The following VPS13B variants were observed in gnomAD, a reference collection of about 807,000 sequenced individuals.
VPS13B encodes the protein vacuolar protein sorting 13 homolog B.
Under a neutral mutation model 426.4 loss-of-function variants are expected in VPS13B, and 285 were observed. The observed-to-expected ratio is 0.67, with a 90% confidence interval of 0.61 to 0.74. The LOEUF (loss-of-function observed/expected upper bound fraction) is 0.74. Among genes scored for constraint, VPS13B ranks in the 30% least tolerant of loss-of-function variants. The pLI, the probability that VPS13B is intolerant of heterozygous loss-of-function variation, is 0.00. For missense variants in VPS13B, 4,537 were observed against 4,782.6 expected, an observed-to-expected ratio of 0.95 and a Z score of 1.51; for synonymous variants, 1,676 against 1,676.4, an observed-to-expected ratio of 1.00 and a Z score of 0.01.
chr8:99,674,555 C>T (rs769493818), intron 35 of VPS13B, among the ~76,000 whole-genome samples: 13 of 151,904 alleles, frequency 8.6e-5, no homozygotes, highest in Non-Finnish European at 1.2e-4. Flanking sequence ...CATTGGTGAA[C>T]GTAAGCCATT....
At chr8:99,599,783 C>T (rs1191360007) in intron 33 of VPS13B, among the ~76,000 whole-genome samples, 1 of 152,054 alleles carries the variant, frequency 6.6e-6, no homozygotes, top group African/African-American at 2.4e-5. Context: ...AAAAAATAAA[C>T]ACCATGGCTT....
intron 17 of VPS13B, among the ~76,000 whole-genome samples, chr8:99,222,203 A>G (rs952762924): frequency 6.6e-6 from 1 of 152,198 alleles, no homozygotes; most frequent in African/African-American, 2.4e-5. Flanking sequence ...GCTTATGAAT[A>G]CTTAGAAAGA....
At chr8:99,461,098 C>G (rs755552791) in intron 23 of VPS13B, among the ~76,000 whole-genome samples, 8 of 151,884 alleles carry the variant, frequency 5.3e-5, no homozygotes, top group Non-Finnish European at 1.2e-4. Flanking sequence ...CCTTATTTGG[C>G]CATAACTGCA....
intron 12 of VPS13B, among the ~76,000 whole-genome samples, chr8:99,140,007 C>G (rs911405333): frequency 6.6e-6 from 1 of 151,756 alleles, no homozygotes; most frequent in African/African-American, 2.4e-5. Flanking sequence ...GTAGTGAATC[C>G]TGATAGTTTG....
At chr8:99,826,875 T>C (rs1814718620) in intron 51 of VPS13B, among the ~76,000 whole-genome samples, 1 of 152,172 alleles carries the variant, frequency 6.6e-6, no homozygotes, top group Non-Finnish European at 1.5e-5. Context: ...ATTACATTTA[T>C]TGATTTGTGT....
intron 30 of VPS13B, among the ~76,000 whole-genome samples, chr8:99,531,863 C>A (rs1294119993): frequency 6.6e-6 from 1 of 151,952 alleles, no homozygotes; most frequent in Non-Finnish European, 1.5e-5. Context: ...ATTGCTCTGT[C>A]ATATTTTATA....
intron 39 of VPS13B, among the ~76,000 whole-genome samples, chr8:99,732,939 T>C (rs1833663914): frequency 6.6e-6 from 1 of 152,196 alleles, no homozygotes; most frequent in African/African-American, 2.4e-5. Context: ...GTCACTTTAT[T>C]TGGTGGTAGA....
At chr8:99,875,116 T>G in intron 61 of VPS13B, 1 of 409,196 alleles carries the variant, frequency 2.4e-6, no homozygotes, top group Admixed American at 3.8e-5. Context: ...ATGACAGATG[T>G]TTTAATGGTG....
chr8:99,309,948 T>G (rs1470104719), intron 19 of VPS13B, among the ~76,000 whole-genome samples: 1 of 152,236 alleles, frequency 6.6e-6, no homozygotes, highest in African/African-American at 2.4e-5. Context: ...GAAGAAATTG[T>G]GAGTGGGAGT....
At chr8:99,507,233 G>C (rs1821550043) in intron 28 of VPS13B, 30 bp downstream of exon 28, 1 of 1,604,328 alleles carries the variant, frequency 6.2e-7, no homozygotes, top group Admixed American at 1.7e-5. Flanking sequence ...TATGATTTTT[G>C]AAAATGTACT....
At chr8:99,477,959 A>G (rs1385430494) in intron 24 of VPS13B, among the ~76,000 whole-genome samples, 2 of 152,110 alleles carry the variant, frequency 1.3e-5, no homozygotes, top group Non-Finnish European at 1.5e-5. Flanking sequence ...CCTAAATACT[A>G]TGCTTATTCC....
At chr8:99,285,839 CT>C (rs1360312259) in intron 19 of VPS13B, among the ~76,000 whole-genome samples, 1 of 152,170 alleles carries the variant, frequency 6.6e-6, no homozygotes, top group Non-Finnish European at 1.5e-5. Flanking sequence ...CCTCATTCTA[CT>C]GACAGCCTTT....
At chr8:99,603,784 G>T (rs1827436277) in intron 33 of VPS13B, among the ~76,000 whole-genome samples, 1 of 152,144 alleles carries the variant, frequency 6.6e-6, no homozygotes, top group Admixed American at 6.5e-5. Context: ...AGAGGACAAT[G>T]GTAGATTCAC....
intron 35 of VPS13B, among the ~76,000 whole-genome samples, chr8:99,698,181 A>G (rs1441014917): frequency 1.3e-5 from 2 of 152,216 alleles, no homozygotes; most frequent in Non-Finnish European, 2.9e-5. Flanking sequence ...CATTCCATGG[A>G]TATTCACTTA....
intron 19 of VPS13B, among the ~76,000 whole-genome samples, chr8:99,299,337 C>T (rs1431404466): frequency 6.6e-6 from 1 of 151,952 alleles, no homozygotes; most frequent in Non-Finnish European, 1.5e-5. Context: ...GCTGGAATTA[C>T]AGGTGTGAGC....
At chr8:99,587,736 G>T (rs1206239693) in intron 33 of VPS13B, among the ~76,000 whole-genome samples, 2 of 151,510 alleles carry the variant, frequency 1.3e-5, no homozygotes, top group Non-Finnish European at 2.9e-5. Context: ...TTGTCAGATG[G>T]GTAGATTGCA....
At chr8:99,344,249 G>T (rs992529818) in intron 19 of VPS13B, among the ~76,000 whole-genome samples, 1 of 152,102 alleles carries the variant, frequency 6.6e-6, no homozygotes, top group African/African-American at 2.4e-5. Context: ...AACTGGCTGT[G>T]CACATGCACA....
intron 39 of VPS13B, among the ~76,000 whole-genome samples, chr8:99,756,661 A>G (rs1023792582): frequency 2.6e-5 from 4 of 152,246 alleles, no homozygotes; most frequent in Non-Finnish European, 5.9e-5. Context: ...CATAGAGACC[A>G]GAAGACAGTG....
intron 8 of VPS13B, among the ~76,000 whole-genome samples, chr8:99,125,849 A>G (rs1048173816): frequency 6.6e-6 from 1 of 152,230 alleles, no homozygotes; most frequent in Admixed American, 6.5e-5. Flanking sequence ...TGAAGAGTAC[A>G]GAAAACTCTT....
Sources: allele counts gnomAD v4.1 joint callset (sites outside exome capture counted in the v4.1 genomes callset), GRCh38; gene constraint gnomAD v4.1.1; transcripts MANE v1.5; gene names NCBI Gene and HGNC (gene_info 2026-07-23, HGNC 2026-07-21).